IMMP2L: variants seen among roughly 807,000 people sequenced by gnomAD.
IMMP2L encodes the protein mitochondrial inner membrane protease subunit 2.
IMMP2L carries 18 observed loss-of-function variants against 19.3 expected under a neutral mutation model. The observed-to-expected ratio is 0.93, with a 90% CI of 0.64 to 1.38. The LOEUF is 1.38. Ranked by LOEUF, IMMP2L falls within the 40% of genes most tolerant of loss-of-function variation. The pLI is 0.00. For missense variants in IMMP2L, 233 were observed against 218.2 expected, an observed-to-expected ratio of 1.07 and a Z score of -0.43; for synonymous variants, 76 against 73.0, an observed-to-expected ratio of 1.04 and a Z score of -0.21.
chr7:111,280,055 C>T (rs1293111580), intron 3 of IMMP2L, among the ~76,000 whole-genome samples: 1 of 152,136 alleles, frequency 6.6e-6, no homozygotes, highest in Non-Finnish European at 1.5e-5. Context: ...AGTCAACTCA[C>T]TCCTCTTAAC....
At chr7:111,013,955 C>G (rs1825234692) in intron 3 of IMMP2L, among the ~76,000 whole-genome samples, 1 of 151,914 alleles carries the variant, frequency 6.6e-6, no homozygotes, top group African/African-American at 2.4e-5. Context: ...ACCTAGGGGT[C>G]AAGTCAGGAA....
chr7:111,304,492 T>C (rs866942316), intron 3 of IMMP2L, among the ~76,000 whole-genome samples: 1 of 151,880 alleles, frequency 6.6e-6, no homozygotes, highest in East Asian at 1.9e-4. Context: ...TGTGAGCCCA[T>C]AGGTGTGTAT....
At chr7:111,055,051 C>CTTT (rs113824921) in intron 3 of IMMP2L, among the ~76,000 whole-genome samples, 15 of 134,716 alleles carry the variant, frequency 1.1e-4, no homozygotes, top group Admixed American at 9.6e-4. Context: ...TTTCTTCCTT[C>CTTT]TTTTTTTTTT....
intron 3 of IMMP2L, among the ~76,000 whole-genome samples, chr7:111,239,568 T>C (rs906273241): frequency 2.0e-5 from 3 of 151,974 alleles, no homozygotes; most frequent in Non-Finnish European, 4.4e-5. Context: ...TTGATTATGA[T>C]AGAAAACAGA....
chr7:111,481,785 T>C (rs1454066565), intron 3 of IMMP2L, among the ~76,000 whole-genome samples: 1 of 152,180 alleles, frequency 6.6e-6, no homozygotes, highest in Non-Finnish European at 1.5e-5. Context: ...ACTTCAGACA[T>C]ACTCCAGGGA....
chr7:110,798,996 G>A (rs767412724), intron 5 of IMMP2L, among the ~76,000 whole-genome samples: 1 of 151,848 alleles, frequency 6.6e-6, no homozygotes, highest in Non-Finnish European at 1.5e-5. Context: ...ATGGTAATAC[G>A]CTGTAACTCA....
At chr7:111,000,512 G>A (rs1282337016) in intron 3 of IMMP2L, among the ~76,000 whole-genome samples, 1 of 152,108 alleles carries the variant, frequency 6.6e-6, no homozygotes, top group Non-Finnish European at 1.5e-5. Flanking sequence ...TTCTCATATA[G>A]CATTTATAAC....
chr7:110,898,813 T>A (rs1292496334), intron 4 of IMMP2L, among the ~76,000 whole-genome samples: 6 of 148,834 alleles, frequency 4.0e-5, no homozygotes, highest in Admixed American at 3.3e-4. Context: ...GTTTGTTTTT[T>A]TTTTTTTTTA....
chr7:111,139,314 A>C (rs188802720), intron 3 of IMMP2L, among the ~76,000 whole-genome samples: 2 of 152,182 alleles, frequency 1.3e-5, no homozygotes, highest in Admixed American at 1.3e-4. Context: ...TACAAAAAAC[A>C]GGTAACAAGG....
intron 3 of IMMP2L, among the ~76,000 whole-genome samples, chr7:111,335,317 T>A (rs1826289519): frequency 6.6e-6 from 1 of 152,064 alleles, no homozygotes; most frequent in Non-Finnish European, 1.5e-5. Flanking sequence ...TCTGTTATTA[T>A]AAGCCTGGAG....
At chr7:111,311,750 G>A (rs187610091) in intron 3 of IMMP2L, among the ~76,000 whole-genome samples, 1 of 152,140 alleles carries the variant, frequency 6.6e-6, no homozygotes, top group Non-Finnish European at 1.5e-5. Context: ...CCTAGAGTCT[G>A]TATTTTAGTG....
chr7:111,000,160 G>C (rs1386318805), intron 3 of IMMP2L, among the ~76,000 whole-genome samples: 1 of 152,124 alleles, frequency 6.6e-6, no homozygotes, highest in Admixed American at 6.6e-5. Context: ...GAGAGGAATG[G>C]AGGCAATTTC....
Position 111,392,105 on chromosome 7 carries a change from C to T in IMMP2L, c.239+95133G>A, listed in dbSNP as rs1309990700. 4 of 640,294 alleles carry T rather than the reference C, an allele frequency of 6.2e-6. 1 individual carries two copies. The highest frequency in any genetic ancestry group is 1.8e-5 in the South Asian group (1 of 56,544). The allele number at this position is 640,294 out of a possible 1,614,324, so 39.7% of individuals were successfully genotyped here. ...TGTGCAAACTATATTTTCTCTTTGG[C>T]TATTAGCGACCCAAGGAGGACCTCA... On this transcript the variant is annotated intron_variant, in intron 3 of 5. Coordinates refer to ENST00000405709, the MANE Select transcript of IMMP2L (RefSeq NM_032549.4).
intron 4 of IMMP2L, among the ~76,000 whole-genome samples, chr7:110,937,444 C>T (rs1004585290): frequency 2.6e-5 from 4 of 152,128 alleles, no homozygotes; most frequent in Admixed American, 1.3e-4. Context: ...GTTCAAAGAG[C>T]TTATGTATCT....
intron 3 of IMMP2L, among the ~76,000 whole-genome samples, chr7:111,347,340 C>G (rs1011285942): frequency 7.2e-5 from 11 of 151,884 alleles, no homozygotes; most frequent in South Asian, 2.1e-4. Context: ...GGTACACAAG[C>G]AAGTTAGAGT....
chr7:110,809,362 A>T (rs1801864416), intron 5 of IMMP2L, among the ~76,000 whole-genome samples: 1 of 152,016 alleles, frequency 6.6e-6, no homozygotes, highest in African/African-American at 2.4e-5. Context: ...ACATATATAC[A>T]TTATTTTATA....
chr7:110,843,177 C>T (rs1194336933), intron 5 of IMMP2L, among the ~76,000 whole-genome samples: 4 of 152,074 alleles, frequency 2.6e-5, no homozygotes. Flanking sequence ...TGAATTTATT[C>T]CAAGCCTTAT....
At chr7:111,412,204 T>A (rs1834496270) in intron 3 of IMMP2L, among the ~76,000 whole-genome samples, 1 of 151,656 alleles carries the variant, frequency 6.6e-6, no homozygotes, top group South Asian at 2.1e-4. Context: ...AAGAAACCCA[T>A]AATAATAGCT....
intron 2 of IMMP2L, among the ~76,000 whole-genome samples, chr7:111,520,437 T>C (rs967785048): frequency 1.3e-5 from 2 of 152,148 alleles, no homozygotes; most frequent in Admixed American, 6.5e-5. Flanking sequence ...AGAAGTTCAA[T>C]ACCATAATTA....
Sources: gnomAD v4.1 joint callset for allele counts (sites outside exome capture counted in the v4.1 genomes callset) on GRCh38, gnomAD v4.1.1 for gene constraint, MANE v1.5 for transcripts, NCBI Gene and HGNC (gene_info 2026-07-23, HGNC 2026-07-21) for gene names.